Variants in KCTD1 observed in about 807,000 individuals in gnomAD.
The protein encoded by KCTD1 is potassium channel tetramerization domain containing 1, also known as BTB/POZ domain-containing protein KCTD1.
KCTD1 carries 24 observed loss-of-function variants against 66.0 expected under a neutral mutation model. That is an observed-to-expected ratio of 0.36 (90% CI 0.26 to 0.51). The LOEUF (loss-of-function observed/expected upper bound fraction) is 0.51. Ranked by LOEUF, KCTD1 falls within the 20% of genes least tolerant of loss-of-function variation. The probability of loss-of-function intolerance (pLI) is 0.95; values close to 1 mark genes in which losing one functional copy is unlikely to be tolerated. For synonymous variants in KCTD1, 511 were observed against 517.2 expected (o/e 0.99, Z 0.16); for missense variants, 943 against 1,205.2 (o/e 0.78, Z 3.22).
At chr18:26,611,302 G>T (rs1284564573) in intron 1 of KCTD1, among the ~76,000 whole-genome samples, 1 of 151,516 alleles carries the variant, frequency 6.6e-6, no homozygotes, top group African/African-American at 2.4e-5. Context: ...TAACTTTTTG[G>T]ACATATGGAA....
At chr18:26,640,695 G>A (rs981398056), upstream of KCTD1, among the ~76,000 whole-genome samples, 3 of 152,146 alleles carry the variant, frequency 2.0e-5, no homozygotes, top group East Asian at 1.9e-4. Flanking sequence ...CAGGAGGAAG[G>A]TGAGGAGTTT....
chr18:26,462,788 ACTCT>A (rs1174826361), intron 3 of KCTD1, among the ~76,000 whole-genome samples: 7 of 151,574 alleles, frequency 4.6e-5, no homozygotes, highest in Admixed American at 3.9e-4. Context: ...ATTTAACTTT[ACTCT>A]CTAAGTACCA....
chr18:26,476,722 G>C lies in KCTD1; in HGVS notation c.1989-63C>G, dbSNP rs112645183. ...TCAATTGTTCGGGCACTAGGACTAA[G>C]AGGTGTCTTTTATCACTGTCAAAGG... On this transcript the variant is annotated intron_variant, in intron 2 of 4. Transcript: ENST00000580059. The surrounding 1 kb of genome is among the most constrained non-coding windows in gnomAD (Gnocchi z 4.9). 6.8e-6 allele frequency: 10 copies of C among 1,471,648 alleles called. No homozygotes were observed. Among genetic ancestry groups the C allele is most frequent in the Admixed American group, 1.9e-5 (1 of 52,292 alleles). 91.2% of individuals were successfully genotyped at this position (1,471,648 alleles called of 1,614,324 possible).
At chr18:26,518,926 T>C (rs1016817033) in intron 1 of KCTD1, among the ~76,000 whole-genome samples, 3 of 152,234 alleles carry the variant, frequency 2.0e-5, no homozygotes, top group African/African-American at 7.2e-5. Flanking sequence ...CACAGGACAC[T>C]GTGCTATACA....
At chr18:26,556,006 T>C (rs1016541853) in intron 1 of KCTD1, among the ~76,000 whole-genome samples, 1 of 148,366 alleles carries the variant, frequency 6.7e-6, no homozygotes, top group Non-Finnish European at 1.5e-5. Flanking sequence ...ACCTGCCCCG[T>C]GGCTGTGTTT....
chr18:26,580,439 A>C (rs1322024757), intron 1 of KCTD1, among the ~76,000 whole-genome samples: 1 of 152,096 alleles, frequency 6.6e-6, no homozygotes, highest in Non-Finnish European at 1.5e-5. Context: ...CTAAATTCTG[A>C]TAAGGACAGG....
At chr18:26,641,442 G>A (rs535173155), upstream of KCTD1, among the ~76,000 whole-genome samples, 4 of 152,322 alleles carry the variant, frequency 2.6e-5, no homozygotes, top group East Asian at 5.8e-4. Context: ...CTTTGTGAAT[G>A]CTTCCCATGG....
chr18:26,645,357 G>A lies in KCTD1; in HGVS notation c.9+12003C>T, dbSNP rs1460652395. Among the ~76,000 whole-genome samples, 6 of 152,026 alleles carry A rather than the reference G, an allele frequency of 3.9e-5. No homozygotes were observed. In the South Asian group the frequency reaches 6.2e-4, roughly 16 times the overall value. On this transcript the variant is annotated intron_variant, in intron 1 of 4. Transcript: ENST00000580191. ...CTCAAAGTTCTGGGCTCAAGTGATC[G>A]TCCTGCCTCAGCCTCCTGAGTAGCT...
intron 1 of KCTD1, among the ~76,000 whole-genome samples, chr18:26,656,640 T>C (rs1202537460): frequency 2.0e-5 from 3 of 148,866 alleles, no homozygotes; most frequent in East Asian, 4.1e-4. Flanking sequence ...CGGGCCCCAG[T>C]CCGCTCGGCC....
intron 1 of KCTD1, among the ~76,000 whole-genome samples, chr18:26,536,149 C>A (rs1234913046): frequency 1.2e-4 from 19 of 152,018 alleles, no homozygotes; most frequent in Admixed American, 6.6e-5. Flanking sequence ...CAGTGTGGCC[C>A]CACAGACCTG....
rs1980890042 is a variant in KCTD1, at chr18:26,468,777, G to GCGGAGGTTGCAGTGAGC, written c.2133+7721_2133+7737dup. ...AAAGAGAACTGCTTGAACCCGGGAGGCGGAGGTTGCAGTGAGCCGAGATCG... is the reference window on the plus strand; with the variant it reads ...AAAGAGAACTGCTTGAACCCGGGAGGCGGAGGTTGCAGTGAGCCGGAGGTTGCAGTGAGCCGAGATCG... On this transcript the variant is annotated intron_variant, in intron 3 of 4. Transcript: ENST00000580059. The surrounding 1 kb of genome is among the most constrained non-coding windows in gnomAD (Gnocchi z 4.8). Among the ~76,000 whole-genome samples the GCGGAGGTTGCAGTGAGC allele has an allele frequency of 6.6e-6, 1 of 152,158 alleles. No homozygotes were observed. Among genetic ancestry groups the GCGGAGGTTGCAGTGAGC allele is most frequent in the African/African-American group, 2.4e-5 (1 of 41,430 alleles).
At chr18:26,634,769 C>CGG (rs1283684936) in intron 1 of KCTD1, among the ~76,000 whole-genome samples, 2 of 152,150 alleles carry the variant, frequency 1.3e-5, no homozygotes, top group African/African-American at 4.8e-5. Flanking sequence ...CTCTATTTTA[C>CGG]GGAGAAGAAA....
chr18:26,599,641 T>C, intron 1 of KCTD1: 1 of 1,475,908 alleles, frequency 6.8e-7, no homozygotes, highest in Non-Finnish European at 9.5e-7. Flanking sequence ...GTGCTGAGAT[T>C]TTGGCTGAAA....
chr18:26,513,309 C>T (rs571775600), intron 1 of KCTD1, among the ~76,000 whole-genome samples: 10 of 152,146 alleles, frequency 6.6e-5, no homozygotes, highest in African/African-American at 2.2e-4. Context: ...GGATGGTCTC[C>T]ATCTCCTGAC....
intron 1 of KCTD1, among the ~76,000 whole-genome samples, chr18:26,535,372 CAG>C (rs1984649031): frequency 1.3e-5 from 2 of 152,148 alleles, no homozygotes; most frequent in Non-Finnish European, 2.9e-5. Flanking sequence ...ACCACAGAAA[CAG>C]AGGACTGGTC....
Position 26,501,058 on chromosome 18 carries a change from G to C in KCTD1, c.1988+14C>G. 1 of 1,610,010 alleles carries C rather than the reference G, an allele frequency of 6.2e-7. No homozygotes were observed. Among genetic ancestry groups the C allele is most frequent in the Non-Finnish European group, 8.5e-7 (1 of 1,177,104 alleles). On this transcript the variant is annotated intron_variant, in intron 2 of 4. Coordinates refer to ENST00000580059, the MANE Select transcript of KCTD1 (RefSeq NM_001142730.3). The stretch of plus-strand genomic sequence containing the variant: ...ATGCACGTCGGAGTCTGATTTTTCA[G>C]TTTTTCAGATTACCTGGATTCAGGG...
intron 1 of KCTD1, among the ~76,000 whole-genome samples, chr18:26,585,755 A>C (rs1986458707): frequency 6.6e-6 from 1 of 152,256 alleles, no homozygotes; most frequent in Non-Finnish European, 1.5e-5. Flanking sequence ...AAATGAGAAT[A>C]ATAAGCACCC....
At chr18:26,611,458 C>G (rs1987136358) in intron 1 of KCTD1, among the ~76,000 whole-genome samples, 2 of 152,160 alleles carry the variant, frequency 1.3e-5, no homozygotes, top group Non-Finnish European at 2.9e-5. Flanking sequence ...TCAAGTGATT[C>G]TCCTGTCTCA....
At chr18:26,601,330 A>AAAAAG (rs1468492777) in intron 1 of KCTD1, among the ~76,000 whole-genome samples, 11 of 146,702 alleles carry the variant, frequency 7.5e-5, no homozygotes, top group Admixed American at 4.7e-4. Context: ...CATTGGTAAA[A>AAAAAG]AAAAAAAAAA....
Sources: allele counts gnomAD v4.1 joint callset (sites outside exome capture counted in the v4.1 genomes callset), GRCh38; gene constraint gnomAD v4.1.1; non-coding constraint Gnocchi (gnomAD v3.1); transcripts MANE v1.5; gene names NCBI Gene and HGNC (gene_info 2026-07-23, HGNC 2026-07-21).